The following CFAP20DC variants were observed in gnomAD, a reference collection of about 807,000 sequenced individuals.
The protein encoded by CFAP20DC is protein CFAP20DC.
A neutral mutation model predicts 101.7 loss-of-function variants in CFAP20DC; 84 were observed. That is an observed-to-expected ratio of 0.83 (90% CI 0.69 to 0.99). The LOEUF (loss-of-function observed/expected upper bound fraction) is 0.99. CFAP20DC is among the 50% of genes least tolerant of loss of function. The probability of loss-of-function intolerance (pLI) is 0.00; values close to 1 mark genes in which losing one functional copy is unlikely to be tolerated. For missense variants in CFAP20DC, 1,007 were observed against 970.3 expected, an observed-to-expected ratio of 1.04 and a Z score of -0.50; for synonymous variants, 359 against 351.2, an observed-to-expected ratio of 1.02 and a Z score of -0.25.
intron 14 of CFAP20DC, among the ~76,000 whole-genome samples, chr3:58,812,197 A>G (rs2074702266): frequency 6.6e-6 from 1 of 152,160 alleles, no homozygotes. Context: ...CAGCCATCCC[A>G]TTACTGGGTA....
chr3:58,807,149 C>G (rs1044498260), intron 14 of CFAP20DC, among the ~76,000 whole-genome samples: 1 of 152,168 alleles, frequency 6.6e-6, no homozygotes, highest in Non-Finnish European at 1.5e-5. Context: ...GGGGCACAGA[C>G]AAAAAGACAG....
intron 14 of CFAP20DC, among the ~76,000 whole-genome samples, chr3:58,814,108 C>T (rs1452879988): frequency 6.6e-6 from 1 of 151,738 alleles, no homozygotes; most frequent in Non-Finnish European, 1.5e-5. Flanking sequence ...TGGACCTCTG[C>T]CTATTTATTT....
intron 12 of CFAP20DC, among the ~76,000 whole-genome samples, chr3:58,851,931 T>C (rs940286716): frequency 6.6e-6 from 1 of 152,174 alleles, no homozygotes; most frequent in East Asian, 1.9e-4. Context: ...GGGGAAGCTT[T>C]TGTGGGTGTT....
chr3:58,819,151 G>C (rs1253079986), intron 14 of CFAP20DC, among the ~76,000 whole-genome samples: 1 of 146,310 alleles, frequency 6.8e-6, no homozygotes, highest in Non-Finnish European at 1.5e-5. Context: ...AATGTGTAGA[G>C]GGAAATTTAT....
intron 4 of CFAP20DC, chr3:58,992,544 A>G (rs1393129758): frequency 1.0e-6 from 1 of 983,766 alleles, no homozygotes; most frequent in Non-Finnish European, 1.2e-6. Flanking sequence ...CCTAGTCTAC[A>G]CTAATCTCAT....
At position 58,874,664 on chromosome 3, in the gene CFAP20DC, A is replaced by G. The variant is rs2080583435; in HGVS notation, c.716-4355T>C. On this transcript the variant is annotated intron_variant, in intron 7 of 16. Transcript: ENST00000482387. The surrounding 1 kb of genome is among the most constrained non-coding windows in gnomAD (Gnocchi z 5.1). ...TCTTGACCTTTATGCCTCAGTTCAC[A>G]TATCATTTCCTCAGACAAGTCTTTG... Among the ~76,000 whole-genome samples the G allele has an allele frequency of 2.0e-5, 3 of 152,124 alleles. No individual in the cohort carries two copies.
chr3:58,992,553 A>T, intron 4 of CFAP20DC: 2 of 982,808 alleles, frequency 2.0e-6, no homozygotes, highest in Non-Finnish European at 2.4e-6. Flanking sequence ...CACTAATCTC[A>T]TTTGAATTGT....
intron 5 of CFAP20DC, among the ~76,000 whole-genome samples, chr3:58,920,619 A>C (rs57684700): frequency 0.1 from 15,189 of 152,136 alleles, 2,508 homozygotes; most frequent in African/African-American, 0.35. Context: ...CCCCTTTATT[A>C]TGCTAATGTG....
In CFAP20DC at chr3:58,869,704, T is replaced by C. The variant is rs1447778494; in HGVS notation, c.853-214A>G. 6.6e-6 allele frequency among the ~76,000 whole-genome samples: 1 copy of C among 152,230 alleles called. No homozygotes were observed. Among genetic ancestry groups the C allele is most frequent in the Admixed American group, 6.5e-5 (1 of 15,284 alleles). The stretch of plus-strand genomic sequence containing the variant: ...TAAAATAGAAGACATGCAAGTCTCC[T>C]AGACACATAAATTAAAATGTGCTTA... On this transcript the variant is annotated intron_variant, in intron 8 of 16. Transcript: ENST00000482387. This position sits in a 1 kb window ranked among gnomAD's most constrained non-coding sequence, Gnocchi z 4.3.
chr3:59,049,263 T>G (rs1373871849), intron 1 of CFAP20DC, among the ~76,000 whole-genome samples: 1 of 152,222 alleles, frequency 6.6e-6, no homozygotes, highest in Non-Finnish European at 1.5e-5. Context: ...ATACTGAGTC[T>G]CCAAAGCGCT....
At chr3:58,835,891 G>A (rs2076703382) in intron 13 of CFAP20DC, among the ~76,000 whole-genome samples, 1 of 152,202 alleles carries the variant, frequency 6.6e-6, no homozygotes, top group Non-Finnish European at 1.5e-5. Flanking sequence ...ACTGCTGAGA[G>A]GCAAAGTGGC....
At chr3:58,949,675 T>C (rs1482740444) in intron 4 of CFAP20DC, among the ~76,000 whole-genome samples, 1 of 152,196 alleles carries the variant, frequency 6.6e-6, no homozygotes, top group East Asian at 1.9e-4. Flanking sequence ...ACCATATGAT[T>C]ATCTCAATAG....
At chr3:58,960,426 A>G (rs1371725237) in intron 4 of CFAP20DC, among the ~76,000 whole-genome samples, 1 of 150,894 alleles carries the variant, frequency 6.6e-6, no homozygotes, top group African/African-American at 2.4e-5. Flanking sequence ...CAGGAGACGG[A>G]GGTTGCAGTG....
chr3:58,934,030 C>G (rs1045499580), intron 5 of CFAP20DC, among the ~76,000 whole-genome samples: 2 of 151,844 alleles, frequency 1.3e-5, no homozygotes, highest in African/African-American at 4.8e-5. Flanking sequence ...ACTAGCAAGA[C>G]TAATAAAGAA....
rs1195814148 is a variant in CFAP20DC, at chr3:58,874,372, A to C, written c.716-4063T>G. Among the ~76,000 whole-genome samples the C allele has an allele frequency of 6.6e-6, 1 of 152,074 alleles. No homozygotes were observed. Among genetic ancestry groups the C allele is most frequent in the Non-Finnish European group, 1.5e-5 (1 of 68,024 alleles). ...GTGCCCCATGCCATCCCTCCTCCAA[A>C]ATGCAGCCAGAGAGGTTTTATACAA... On this transcript the variant is annotated intron_variant, in intron 7 of 16. Coordinates refer to ENST00000482387, the MANE Select transcript of CFAP20DC (RefSeq NM_001394063.1). The surrounding 1 kb of genome is among the most constrained non-coding windows in gnomAD (Gnocchi z 5.1).
intron 4 of CFAP20DC, among the ~76,000 whole-genome samples, chr3:58,987,559 C>A (rs2092792726): frequency 6.6e-6 from 1 of 151,822 alleles, no homozygotes; most frequent in Admixed American, 6.6e-5. Flanking sequence ...CAATGAAATG[C>A]AAAACCTCTG....
At chr3:58,738,211 C>T (rs577913651), downstream of CFAP20DC, among the ~76,000 whole-genome samples, 2 of 151,974 alleles carry the variant, frequency 1.3e-5, no homozygotes, top group South Asian at 4.2e-4. The surrounding 1 kb of genome is among the most constrained non-coding windows in gnomAD (Gnocchi z 4.4). Flanking sequence ...TTCCAGGGTA[C>T]ATGTACAGGA....
chr3:58,930,906 C>G (rs1472249497), intron 5 of CFAP20DC, among the ~76,000 whole-genome samples: 4 of 152,140 alleles, frequency 2.6e-5, no homozygotes, highest in African/African-American at 7.2e-5. Context: ...TAGGGAGTGT[C>G]AGACAGTGGG....
chr3:58,977,130 G>C (rs895151726), intron 4 of CFAP20DC, among the ~76,000 whole-genome samples: 1 of 152,196 alleles, frequency 6.6e-6, no homozygotes, highest in African/African-American at 2.4e-5. Context: ...TTATGGTGAA[G>C]TTGGTTCTGT....
Sources: allele counts gnomAD v4.1 joint callset (sites outside exome capture counted in the v4.1 genomes callset), GRCh38; gene constraint gnomAD v4.1.1; non-coding constraint Gnocchi (gnomAD v3.1); transcripts MANE v1.5; gene names NCBI Gene and HGNC (gene_info 2026-07-23, HGNC 2026-07-21).